Variants in ATXN1 observed in about 807,000 individuals in gnomAD.
The protein encoded by ATXN1 is ataxin-1.
In ATXN1, 8 loss-of-function variants were observed where a neutral mutation model predicts 56.4. The observed-to-expected ratio is 0.14, with a 90% confidence interval of 0.08 to 0.26. The LOEUF (loss-of-function observed/expected upper bound fraction) is 0.26. Ranked by LOEUF, ATXN1 falls within the 10% of genes least tolerant of loss-of-function variation. The pLI, the probability that ATXN1 is intolerant of heterozygous loss-of-function variation, is 1.00. For synonymous variants in ATXN1, 514 were observed against 494.6 expected (o/e 1.04, Z -0.52); for missense variants, 987 against 1,106.5 (o/e 0.89, Z 1.53).
chr6:16,477,166 A>G (rs1056325245), intron 6 of ATXN1, among the ~76,000 whole-genome samples: 4 of 152,188 alleles, frequency 2.6e-5, no homozygotes, highest in African/African-American at 9.7e-5. Flanking sequence ...ATGTCTTGGC[A>G]TCTCCAGGGC....
chr6:16,657,048 A>G (rs1758218544), intron 3 of ATXN1, among the ~76,000 whole-genome samples: 1 of 147,358 alleles, frequency 6.8e-6, no homozygotes, highest in South Asian at 2.1e-4. Context: ...CAGTGGTGCA[A>G]TCTCGGCTCA....
At chr6:16,316,402 A>G (rs899139365) in intron 7 of ATXN1, among the ~76,000 whole-genome samples, 5 of 152,110 alleles carry the variant, frequency 3.3e-5, no homozygotes, top group Non-Finnish European at 7.4e-5. Flanking sequence ...TCAGTGTTCT[A>G]TCTCCAGAGT....
chr6:16,348,393 C>T (rs886562943), intron 6 of ATXN1, among the ~76,000 whole-genome samples: 1 of 152,118 alleles, frequency 6.6e-6, no homozygotes, highest in African/African-American at 2.4e-5. Flanking sequence ...TTGATTTCCT[C>T]TTTAAGAAAA....
chr6:16,607,163 C>G (rs531907410), intron 3 of ATXN1, among the ~76,000 whole-genome samples: 2 of 152,132 alleles, frequency 1.3e-5, no homozygotes, highest in African/African-American at 4.8e-5. Flanking sequence ...CATGAGCCAC[C>G]GCGTCCGGCC....
rs70999327 is a variant in ATXN1 at position 16,471,688 on chromosome 6, CGTGTGTGTGT to C, written c.-161+14274_-161+14283del. On this transcript the variant is annotated intron_variant, in intron 6 of 7. Transcript: ENST00000436367. ...GAGTGTGCGTATGTGTGCATGCATG[CGTGTGTGTGT>C]GTGTGTGTGTGTGAGACAGAAAGAG... Among the ~76,000 whole-genome samples, 18 of 149,390 alleles carry C rather than the reference CGTGTGTGTGT, an allele frequency of 1.2e-4. No individual in the cohort carries two copies. In the East Asian group the frequency reaches 2.4e-3, roughly 20 times the overall value.
intron 6 of ATXN1, among the ~76,000 whole-genome samples, chr6:16,335,294 G>T (rs527320194): frequency 2.0e-5 from 3 of 152,370 alleles, no homozygotes; most frequent in African/African-American, 7.2e-5. Context: ...TCCTGAAGGG[G>T]ACTGAAGGCC....
At chr6:16,323,608 A>G (rs928315741) in intron 7 of ATXN1, among the ~76,000 whole-genome samples, 1 of 151,140 alleles carries the variant, frequency 6.6e-6, no homozygotes, top group Non-Finnish European at 1.5e-5. Context: ...TGTGGCCCAC[A>G]GCTGAAGTGG....
chr6:16,642,680 A>G (rs1581323731), intron 3 of ATXN1, among the ~76,000 whole-genome samples: 1 of 152,176 alleles, frequency 6.6e-6, no homozygotes, highest in Non-Finnish European at 1.5e-5. Flanking sequence ...AGAAATTGCC[A>G]CCGCCACCCC....
chr6:16,308,343 C>CAT (rs889570759), intron 7 of ATXN1, among the ~76,000 whole-genome samples: 3 of 151,460 alleles, frequency 2.0e-5, no homozygotes, highest in Non-Finnish European at 4.4e-5. Context: ...CACACACACA[C>CAT]ACACACACAC....
At chr6:16,679,304 A>T (rs1375185570) in intron 2 of ATXN1, among the ~76,000 whole-genome samples, 3 of 150,570 alleles carry the variant, frequency 2.0e-5, no homozygotes, top group Non-Finnish European at 3.0e-5. Flanking sequence ...GGATGGATGG[A>T]TGGATGGATG....
chr6:16,600,896 G>GTTT (rs1201824099), intron 3 of ATXN1, among the ~76,000 whole-genome samples: 3 of 152,198 alleles, frequency 2.0e-5, no homozygotes, highest in Admixed American at 1.3e-4. Context: ...AGAAACTCAA[G>GTTT]TAATTCCTTT....
Position 16,300,639 on chromosome 6 carries a change from A to T in ATXN1, c.*5690T>A, listed in dbSNP as rs1760062399. On this transcript the variant is annotated 3_prime_UTR_variant, in exon 8 of 8. Transcript: ENST00000436367. The stretch of plus-strand genomic sequence containing the variant: ...AATCATGTTTTTACTCCCCCCATTT[A>T]AATGAGGTGTGGGGGGAAAGAAGGT... 6.6e-6 allele frequency: 1 copy of T among 152,598 alleles called. No individual in the cohort carries two copies. The allele number at this position is 152,598 out of a possible 1,614,324, so 9.5% of individuals were successfully genotyped here. A position where few individuals can be genotyped will look rare whatever the true frequency, so the allele number is the denominator to read the frequency against.
At chr6:16,695,652 G>C (rs1310971428) in intron 2 of ATXN1, among the ~76,000 whole-genome samples, 1 of 152,200 alleles carries the variant, frequency 6.6e-6, no homozygotes, top group African/African-American at 2.4e-5. Flanking sequence ...TCTAGAAAAT[G>C]TCCTATTAGT....
At chr6:16,365,704 C>G (rs992752763) in intron 6 of ATXN1, among the ~76,000 whole-genome samples, 3 of 152,192 alleles carry the variant, frequency 2.0e-5, no homozygotes, top group Admixed American at 2.0e-4. Context: ...CATTCAGTCC[C>G]AAAACTGTTT....
intron 7 of ATXN1, among the ~76,000 whole-genome samples, chr6:16,315,924 C>A (rs1486337298): frequency 6.6e-6 from 1 of 152,150 alleles, no homozygotes; most frequent in Non-Finnish European, 1.5e-5. Context: ...CTCAAGTGCC[C>A]TCTTGCCTCA....
intron 5 of ATXN1, among the ~76,000 whole-genome samples, chr6:16,503,571 G>A (rs1227530048): frequency 6.6e-6 from 1 of 152,084 alleles, no homozygotes; most frequent in African/African-American, 2.4e-5. Context: ...GGCTCACCAC[G>A]CTGGCTGGTA....
chr6:16,490,842 C>A (rs1760644817), intron 5 of ATXN1, among the ~76,000 whole-genome samples: 1 of 152,112 alleles, frequency 6.6e-6, no homozygotes, highest in Non-Finnish European at 1.5e-5. Flanking sequence ...AGGCATGTAC[C>A]CAAGGCAAGC....
At chr6:16,575,292 A>G (rs975985927) in intron 4 of ATXN1, among the ~76,000 whole-genome samples, 2 of 152,178 alleles carry the variant, frequency 1.3e-5, no homozygotes, top group Non-Finnish European at 2.9e-5. Context: ...TAATGCATCC[A>G]TCGGTGGGAC....
rs1025785567 is a variant in ATXN1, at chr6:16,721,618, C to A, written c.-615+31615G>T. 6.6e-5 allele frequency among the ~76,000 whole-genome samples: 10 copies of A among 152,144 alleles called. No individual in the cohort carries two copies. In the East Asian group the frequency reaches 1.5e-3, roughly 24 times the overall value. ...CTCCAGCCAGGGTGATAGAGGGAGA[C>A]CCTGCCTCTTAAAAAATAAATAAAT... On this transcript the variant is annotated intron_variant, in intron 2 of 7. Coordinates refer to ENST00000436367, the MANE Select transcript of ATXN1 (RefSeq NM_001128164.2).
Sources: allele counts gnomAD v4.1 joint callset (sites outside exome capture counted in the v4.1 genomes callset), GRCh38; gene constraint gnomAD v4.1.1; transcripts MANE v1.5; gene names NCBI Gene and HGNC (gene_info 2026-07-23, HGNC 2026-07-21).